The following PLA2R1 variants were observed in gnomAD, a reference collection of about 807,000 sequenced individuals.
The protein encoded by PLA2R1 is secretory phospholipase A2 receptor.
Under a neutral mutation model 195.9 loss-of-function variants are expected in PLA2R1, and 158 were observed. The observed-to-expected ratio is 0.81, with a 90% CI of 0.71 to 0.92. The LOEUF (loss-of-function observed/expected upper bound fraction) is 0.92. Ranked by LOEUF, PLA2R1 falls within the 40% of genes least tolerant of loss-of-function variation. The pLI is 0.00. For synonymous variants in PLA2R1, 586 were observed against 598.2 expected (o/e 0.98, Z 0.30); for missense variants, 1,626 against 1,764.6 (o/e 0.92, Z 1.41).
Position 160,045,157 on chromosome 2 carries a change from T to G in PLA2R1, c.110A>C (p.Asp37Ala). The change falls in exon 2 of 30, where the codon GAT becomes GCT. Residue 37 changes from aspartate (D) to alanine (A), a missense_variant and splice_region_variant. Transcript: ENST00000283243. ...LTPERLLEWQ[D>A]KGIFVIQSES... Reference sequence around the variant, plus strand: ...ACTTTGGATAACAAATATTCCTTTATCTGAAACAAAAATCAAAGATGTGGC... The same window carrying G: ...ACTTTGGATAACAAATATTCCTTTAGCTGAAACAAAAATCAAAGATGTGGC... 1.9e-6 allele frequency: 3 copies of G among 1,585,298 alleles called. No individual in the cohort carries two copies. Among genetic ancestry groups the G allele is most frequent in the Non-Finnish European group, 2.6e-6 (3 of 1,162,394 alleles).
chr2:159,973,807 T>A (rs1226362391), intron 17 of PLA2R1, among the ~76,000 whole-genome samples: 1 of 152,120 alleles, frequency 6.6e-6, no homozygotes, highest in African/African-American at 2.4e-5. Context: ...ACCTTACCCA[T>A]GAAACTGATG....
At chr2:159,987,900 T>C (rs1214686403) in intron 11 of PLA2R1, among the ~76,000 whole-genome samples, 1 of 152,060 alleles carries the variant, frequency 6.6e-6, no homozygotes, top group Non-Finnish European at 1.5e-5. Context: ...AAGGCAGACA[T>C]CAGGGAAAAG....
chr2:160,053,204 T>C (rs1392963902), intron 1 of PLA2R1, among the ~76,000 whole-genome samples: 3 of 152,164 alleles, frequency 2.0e-5, no homozygotes, highest in African/African-American at 7.2e-5. Flanking sequence ...CATCTCTCTA[T>C]GCATATTTCT....
In PLA2R1 at chr2:159,947,528, G is replaced by A; in HGVS notation, c.3741C>T (p.Cys1247=). ...ETRQSEHPEL[C]SETSIPWIKF... is the part of the protein sequence containing the mutation. Reference sequence around the variant, plus strand: ...TTATCCAGGGAATAGATGTTTCTGAGCACAACTCTGGGTGTTCAGATTGTC... The same window carrying A: ...TTATCCAGGGAATAGATGTTTCTGAACACAACTCTGGGTGTTCAGATTGTC... Residue 1247 remains cysteine (C), a synonymous_variant, in exon 26 of 30, where the codon TGC becomes TGT. Transcript: ENST00000283243. The A allele has an allele frequency of 6.2e-7, 1 of 1,612,896 alleles. No homozygotes were observed. The highest frequency in any genetic ancestry group is 8.5e-7 in the Non-Finnish European group (1 of 1,179,170).
At position 159,937,418 on chromosome 2, in the gene PLA2R1, A is replaced by G. The variant is rs918818090; in HGVS notation, c.*4360T>C. 2 of 152,258 alleles carry G rather than the reference A, an allele frequency of 1.3e-5. No individual in the cohort carries two copies. The highest frequency in any genetic ancestry group is 2.9e-5 in the Non-Finnish European group (2 of 68,036). The allele number at this position is 152,258 out of a possible 1,614,324, so 9.4% of individuals were successfully genotyped here. ...TTCATTCAATTAATACAAAATGTTC[A>G]TCATAAAACTTAATGGGTAAAGTCA... On this transcript the variant is annotated 3_prime_UTR_variant, in exon 30 of 30. Coordinates refer to ENST00000283243, the MANE Select transcript of PLA2R1 (RefSeq NM_007366.5).
chr2:160,043,513 T>A (rs1694677491), intron 2 of PLA2R1, among the ~76,000 whole-genome samples: 1 of 152,088 alleles, frequency 6.6e-6, no homozygotes, highest in Non-Finnish European at 1.5e-5. Context: ...TTCCCACAAT[T>A]GGCAGGGGCT....
At chr2:159,967,513 A>G in intron 20 of PLA2R1, 26 bp downstream of exon 20, 1 of 1,601,988 alleles carries the variant, frequency 6.2e-7, no homozygotes, top group Non-Finnish European at 8.5e-7. Context: ...AGAGAAACAA[A>G]GGCAACTTTT....
chr2:159,950,008 G>T (rs1333174261), intron 24 of PLA2R1, among the ~76,000 whole-genome samples: 1 of 152,180 alleles, frequency 6.6e-6, no homozygotes, highest in Non-Finnish European at 1.5e-5. Flanking sequence ...TTTCTAGTGA[G>T]CAATCGGCGT....
chr2:160,032,886 T>C, intron 4 of PLA2R1, 73 bp downstream of exon 4: 1 of 1,092,270 alleles, frequency 9.2e-7, no homozygotes, highest in Non-Finnish European at 1.3e-6. Context: ...AGAATATATT[T>C]TTGTATATGT....
downstream of PLA2R1, among the ~76,000 whole-genome samples, chr2:159,930,614 C>T (rs563734246): frequency 1.3e-4 from 20 of 152,242 alleles, no homozygotes; most frequent in African/African-American, 3.6e-4. Context: ...GTGCCAGACA[C>T]GCCTACACGG....
At chr2:159,965,376 T>A (rs770365188) in intron 20 of PLA2R1, among the ~76,000 whole-genome samples, 17 of 152,212 alleles carry the variant, frequency 1.1e-4, no homozygotes, top group Non-Finnish European at 2.2e-4. Context: ...TTCCAGAATG[T>A]CATATAGTTG....
chr2:160,037,489 G>C (rs575305055), intron 3 of PLA2R1, among the ~76,000 whole-genome samples: 1 of 152,262 alleles, frequency 6.6e-6, no homozygotes, highest in South Asian at 2.1e-4. Context: ...CTGAGGGCTG[G>C]GGGTGGAGGA....
At chr2:160,003,669 GC>G (rs1248149219) in intron 11 of PLA2R1, among the ~76,000 whole-genome samples, 3 of 152,194 alleles carry the variant, frequency 2.0e-5, no homozygotes, top group Non-Finnish European at 4.4e-5. Flanking sequence ...TGGGAAAGCT[GC>G]CACTCTCAAA....
At chr2:160,051,116 T>C (rs1695186318) in intron 1 of PLA2R1, among the ~76,000 whole-genome samples, 1 of 152,208 alleles carries the variant, frequency 6.6e-6, no homozygotes, top group Admixed American at 6.5e-5. Flanking sequence ...TGGTGGCATT[T>C]TAGGCAAACA....
rs180964847 is a variant in PLA2R1 at position 160,038,245 on chromosome 2, G to C, written c.667+3780C>G. Among the ~76,000 whole-genome samples the C allele has an allele frequency of 3.4e-3, 525 of 152,330 alleles. 1 individual carries two copies. The highest frequency in any genetic ancestry group is 4.8e-3 in the Non-Finnish European group (328 of 68,032). ...AGATGTTATTTCAAGACTCGCACAGGTCTAACTGCTAAGGAAAAGGGCCCA... is the reference window on the plus strand; with the variant it reads ...AGATGTTATTTCAAGACTCGCACAGCTCTAACTGCTAAGGAAAAGGGCCCA... On this transcript the variant is annotated intron_variant, in intron 3 of 29. Coordinates refer to ENST00000283243, the MANE Select transcript of PLA2R1 (RefSeq NM_007366.5).
intron 18 of PLA2R1, 76 bp from the exon 19 acceptor site, chr2:159,969,435 G>C: frequency 1.3e-6 from 1 of 776,320 alleles, no homozygotes; most frequent in African/African-American, 1.7e-5. Context: ...TTAGAGTTCT[G>C]AGGTAGGGAT....
intron 17 of PLA2R1, among the ~76,000 whole-genome samples, chr2:159,975,006 A>C (rs567567682): frequency 6.6e-6 from 1 of 152,326 alleles, no homozygotes; most frequent in East Asian, 1.9e-4. Flanking sequence ...CCTGAAGATC[A>C]TGAAATATGA....
chr2:159,924,937 A>G, the PLA2R1 span, among the ~76,000 whole-genome samples: 1 of 152,000 alleles, frequency 6.6e-6, no homozygotes, highest in Non-Finnish European at 1.5e-5. Context: ...GAGGCATATT[A>G]CTCCTGTGGT....
At position 160,003,547 on chromosome 2, in the gene PLA2R1, TG is replaced by T. The variant is rs1691752694; in HGVS notation, c.1834+2104del. Reference sequence around the variant, plus strand: ...AATGTATAGAACAAATATGAAAAATTGCTCAAATAACTAAATGAAAAGGTAG... The same window carrying T: ...AATGTATAGAACAAATATGAAAAATTCTCAAATAACTAAATGAAAAGGTAG... On this transcript the variant is annotated intron_variant, in intron 11 of 29. Transcript: ENST00000283243. Among the ~76,000 whole-genome samples the T allele has an allele frequency of 2.0e-5, 3 of 152,212 alleles. No homozygotes were observed. In the East Asian group the frequency reaches 5.8e-4, roughly 29 times the overall value.
Sources: allele counts gnomAD v4.1 joint callset (sites outside exome capture counted in the v4.1 genomes callset), GRCh38; gene constraint gnomAD v4.1.1; transcripts MANE v1.5; gene names NCBI Gene and HGNC (gene_info 2026-07-23, HGNC 2026-07-21).